The following ZFPM2 variants were observed in gnomAD, a reference collection of about 807,000 sequenced individuals.
The protein encoded by ZFPM2 is zinc finger protein ZFPM2.
In ZFPM2, 20 loss-of-function variants were observed where a neutral mutation model predicts 98.6. The ratio of observed to expected loss-of-function variants is 0.20; its 90% CI spans 0.14 to 0.29. ZFPM2 has a LOEUF of 0.29. Among genes scored for constraint, ZFPM2 ranks in the 10% least tolerant of loss-of-function variants. The probability of loss-of-function intolerance (pLI) is 1.00; values close to 1 mark genes in which losing one functional copy is unlikely to be tolerated. For missense variants in ZFPM2, 1,310 were observed against 1,388.6 expected (o/e 0.94, Z 0.90); for synonymous variants, 518 against 502.7 (o/e 1.03, Z -0.41).
intron 4 of ZFPM2, among the ~76,000 whole-genome samples, chr8:105,575,333 C>T (rs140868826): frequency 6.6e-6 from 1 of 152,174 alleles, no homozygotes; most frequent in Non-Finnish European, 1.5e-5. Flanking sequence ...TATCACCCCC[C>T]TCCCTTTCCC....
intron 2 of ZFPM2, among the ~76,000 whole-genome samples, chr8:105,428,297 A>C (rs1313902636): frequency 1.3e-5 from 2 of 152,200 alleles, no homozygotes; most frequent in African/African-American, 2.4e-5. Flanking sequence ...AATAAACAAA[A>C]AGGCTAACAT....
intron 5 of ZFPM2, among the ~76,000 whole-genome samples, chr8:105,716,379 A>G (rs1360613698): frequency 6.6e-6 from 1 of 151,804 alleles, no homozygotes; most frequent in Non-Finnish European, 1.5e-5. Context: ...TGTTATATGT[A>G]TTTATATATA....
At chr8:105,396,871 C>T (rs930902440) in intron 1 of ZFPM2, among the ~76,000 whole-genome samples, 1 of 152,110 alleles carries the variant, frequency 6.6e-6, no homozygotes, top group African/African-American at 2.4e-5. Context: ...AGTCCTTGTG[C>T]TCTGTGTTCA....
chr8:105,481,835 C>A (rs959072512), intron 3 of ZFPM2, among the ~76,000 whole-genome samples: 1 of 152,130 alleles, frequency 6.6e-6, no homozygotes, highest in African/African-American at 2.4e-5. Context: ...CAAACTAACT[C>A]GATAGTGTGT....
At chr8:105,701,511 T>C (rs1811140471) in intron 5 of ZFPM2, among the ~76,000 whole-genome samples, 1 of 152,172 alleles carries the variant, frequency 6.6e-6, no homozygotes, top group Non-Finnish European at 1.5e-5. Flanking sequence ...CAAGCAAAAA[T>C]GAAAATGTGT....
chr8:105,484,626 A>G (rs1450490266), intron 3 of ZFPM2, among the ~76,000 whole-genome samples: 7 of 152,224 alleles, frequency 4.6e-5, no homozygotes, highest in Non-Finnish European at 8.8e-5. Context: ...TCCTTAGAAT[A>G]GTGCCACACT....
At chr8:105,603,856 C>T (rs192798658) in intron 4 of ZFPM2, among the ~76,000 whole-genome samples, 11 of 152,136 alleles carry the variant, frequency 7.2e-5, no homozygotes, top group Admixed American at 5.3e-4. Flanking sequence ...GCACTTGGCT[C>T]CCATGACATG....
Position 105,402,939 on chromosome 8 carries a change from T to C in ZFPM2, c.41-16205T>C, listed in dbSNP as rs1288534425. On this transcript the variant is annotated intron_variant, in intron 1 of 7. Coordinates refer to ENST00000407775, the MANE Select transcript of ZFPM2 (RefSeq NM_012082.4). ...CATAAATTTCAGAGTTAACTGAATA[T>C]CATGTTCTTTCATAACCTTTCCCTT... is the stretch of plus-strand genomic sequence containing the variant. Among the ~76,000 whole-genome samples, 3 of 152,058 alleles carry C rather than the reference T, an allele frequency of 2.0e-5. No homozygotes were observed. In the East Asian group the frequency reaches 5.8e-4, roughly 29 times the overall value.
chr8:105,752,565 T>C (rs1704450152), intron 5 of ZFPM2, among the ~76,000 whole-genome samples: 1 of 152,174 alleles, frequency 6.6e-6, no homozygotes, highest in Admixed American at 6.5e-5. Context: ...TTTGTCAACG[T>C]AGAACACTTA....
chr8:105,676,868 A>G (rs1810482351), intron 5 of ZFPM2, among the ~76,000 whole-genome samples: 1 of 152,148 alleles, frequency 6.6e-6, no homozygotes, highest in African/African-American at 2.4e-5. Flanking sequence ...TAAACTTGTC[A>G]AAAAGTGTCT....
chr8:105,583,278 A>G (rs1284518139), intron 4 of ZFPM2, among the ~76,000 whole-genome samples: 3 of 152,054 alleles, frequency 2.0e-5, no homozygotes, highest in Non-Finnish European at 4.4e-5. Flanking sequence ...TGTTCTATAT[A>G]TTTTTGGTTA....
intron 5 of ZFPM2, among the ~76,000 whole-genome samples, chr8:105,693,016 G>A (rs1810925033): frequency 6.6e-6 from 1 of 152,196 alleles, no homozygotes; most frequent in African/African-American, 2.4e-5. Context: ...TGATAGGTGG[G>A]CAACTACTGA....
chr8:105,787,606 G>GA (rs1454806617), intron 5 of ZFPM2: 6 of 152,114 alleles, frequency 3.9e-5, no homozygotes, highest in African/African-American at 1.4e-4. Flanking sequence ...TCTAAGGGTG[G>GA]AAAAAATGAA....
At chr8:105,533,080 G>A (rs1382098298) in intron 3 of ZFPM2, among the ~76,000 whole-genome samples, 1 of 152,034 alleles carries the variant, frequency 6.6e-6, no homozygotes. Flanking sequence ...AATGAACTTT[G>A]AACATGTCTC....
chr8:105,579,554 A>G (rs772212741), intron 4 of ZFPM2, among the ~76,000 whole-genome samples: 4 of 152,146 alleles, frequency 2.6e-5, no homozygotes, highest in Non-Finnish European at 5.9e-5. Flanking sequence ...GAGTAAGTTC[A>G]ATCTTGATTT....
chr8:105,338,428 T>C (rs1474037467), intron 1 of ZFPM2, among the ~76,000 whole-genome samples: 1 of 151,890 alleles, frequency 6.6e-6, no homozygotes, highest in Non-Finnish European at 1.5e-5. Context: ...TTTATAATGC[T>C]CTTTTCTGGT....
At chr8:105,764,771 A>G (rs1472170168) in intron 5 of ZFPM2, among the ~76,000 whole-genome samples, 1 of 151,790 alleles carries the variant, frequency 6.6e-6, no homozygotes, top group African/African-American at 2.4e-5. Flanking sequence ...AAGTGATGTA[A>G]TGTACTGAAA....
At chr8:105,385,154 G>A (rs1810958346) in intron 1 of ZFPM2, among the ~76,000 whole-genome samples, 1 of 152,168 alleles carries the variant, frequency 6.6e-6, no homozygotes, top group Non-Finnish European at 1.5e-5. Flanking sequence ...CAACACCTCT[G>A]GCACAACTGA....
chr8:105,651,668 T>G (rs183335175), intron 5 of ZFPM2, among the ~76,000 whole-genome samples: 2 of 152,290 alleles, frequency 1.3e-5, no homozygotes, highest in Non-Finnish European at 2.9e-5. Context: ...GTGGGTATTC[T>G]ACCAAGCTGG....
Sources: allele counts gnomAD v4.1 joint callset (sites outside exome capture counted in the v4.1 genomes callset), GRCh38; gene constraint gnomAD v4.1.1; transcripts MANE v1.5; gene names NCBI Gene and HGNC (gene_info 2026-07-23, HGNC 2026-07-21).